SNX25: variants seen among roughly 807,000 people sequenced by gnomAD.
The protein encoded by SNX25 is sorting nexin-25.
SNX25 carries 62 observed loss-of-function variants against 113.7 expected under a neutral mutation model. The observed-to-expected ratio is 0.55, with a 90% CI of 0.44 to 0.67. SNX25 has a LOEUF of 0.67. Among genes scored for constraint, SNX25 ranks in the 30% least tolerant of loss-of-function variants. SNX25 has a pLI of 0.00. For missense variants in SNX25, 1,014 were observed against 1,161.0 expected (o/e 0.87, Z 1.84); for synonymous variants, 421 against 436.2 (o/e 0.97, Z 0.43).
upstream of SNX25, among the ~76,000 whole-genome samples, chr4:185,206,524 T>C (rs1234056111): frequency 6.6e-6 from 1 of 151,864 alleles, no homozygotes; most frequent in Non-Finnish European, 1.5e-5. Context: ...CCAGGCATGC[T>C]GATGCATGCC....
downstream of SNX25, chr4:185,366,825 T>C (rs2095389538): frequency 6.2e-6 from 1 of 161,210 alleles, no homozygotes. Flanking sequence ...AGTTTGTTTC[T>C]ACTTCTGAAC....
At chr4:185,257,695 T>C (rs144361471) in intron 2 of SNX25, among the ~76,000 whole-genome samples, 114 of 152,308 alleles carry the variant, frequency 7.5e-4, no homozygotes, top group African/African-American at 2.6e-3. Flanking sequence ...GGTATCTTTT[T>C]ACTTTTTTAA....
chr4:185,377,799 T>C, the SNX25 span: 2 of 292,490 alleles, frequency 6.8e-6, no homozygotes, highest in Middle Eastern at 1.0e-3. Flanking sequence ...CCTGGCATTG[T>C]TCTCTTTAAC....
chr4:185,352,847 T>C (rs1388647994), intron 14 of SNX25, among the ~76,000 whole-genome samples: 1 of 152,206 alleles, frequency 6.6e-6, no homozygotes, highest in East Asian at 1.9e-4. Flanking sequence ...CAGCACCTAA[T>C]GTTTGCAGCT....
chr4:185,240,648 G>C (rs979658534), intron 1 of SNX25, among the ~76,000 whole-genome samples: 5 of 150,286 alleles, frequency 3.3e-5, no homozygotes, highest in Non-Finnish European at 7.4e-5. Context: ...CTGGGCGGGG[G>C]GCTAACCCCC....
chr4:185,371,884 AG>A (rs2126789582), downstream of SNX25, among the ~76,000 whole-genome samples: 4 of 151,990 alleles, frequency 2.6e-5, no homozygotes, highest in South Asian at 8.3e-4. Flanking sequence ...GGGCTCGGAG[AG>A]GGGGGAGACC....
chr4:185,348,587 G>A (rs985651962), intron 13 of SNX25, among the ~76,000 whole-genome samples: 4 of 151,992 alleles, frequency 2.6e-5, no homozygotes, highest in African/African-American at 9.7e-5. Flanking sequence ...AGTAGAGACG[G>A]GGTTTCATCA....
chr4:185,236,785 T>A (rs1019171012), intron 1 of SNX25, among the ~76,000 whole-genome samples: 8 of 151,518 alleles, frequency 5.3e-5, no homozygotes, highest in Non-Finnish European at 1.2e-4. Flanking sequence ...TGTGTGTTAA[T>A]TAATGCTCAT....
chr4:185,244,880 CAGTA>C (rs1299269325), intron 1 of SNX25, among the ~76,000 whole-genome samples: 1 of 152,002 alleles, frequency 6.6e-6, no homozygotes, highest in Non-Finnish European at 1.5e-5. Context: ...TTTTTAATAA[CAGTA>C]AGCACGAACA....
At chr4:185,295,451 CTTTT>C (rs11342153) in intron 6 of SNX25, among the ~76,000 whole-genome samples, 6 of 137,616 alleles carry the variant, frequency 4.4e-5, no homozygotes, top group Admixed American at 7.3e-5. Context: ...TCTGGTGAGT[CTTTT>C]TTTTTTTTTT....
At chr4:185,351,880 G>C (rs2095316661) in intron 14 of SNX25, among the ~76,000 whole-genome samples, 1 of 151,506 alleles carries the variant, frequency 6.6e-6, no homozygotes, top group Non-Finnish European at 1.5e-5. Context: ...CCCAGGTCGG[G>C]GGAGGCCAAG....
intron 5 of SNX25, among the ~76,000 whole-genome samples, chr4:185,271,529 G>T (rs1748934765): frequency 6.6e-6 from 1 of 152,224 alleles, no homozygotes; most frequent in Non-Finnish European, 1.5e-5. Context: ...AATTACAGGT[G>T]TGAGCCACCG....
rs149327701 is a variant in SNX25, at chr4:185,322,410, C to T, written c.1477-1118C>T. On this transcript the variant is annotated intron_variant, in intron 8 of 18. Coordinates refer to ENST00000652585, the MANE Select transcript of SNX25 (RefSeq NM_001378034.2). The stretch of plus-strand genomic sequence containing the variant: ...TCACGCCACTACACTCCAGCCTGGG[C>T]GACAGCAAGATTTGGTCTTGGGGAA... Among the ~76,000 whole-genome samples the T allele has an allele frequency of 5.9e-3, 900 of 152,034 alleles. 12 individuals carry two copies. The highest frequency in any genetic ancestry group is 0.019 in the African/African-American group (805 of 41,452).
At chr4:185,348,599 G>T (rs1480920519) in intron 13 of SNX25, among the ~76,000 whole-genome samples, 1 of 152,066 alleles carries the variant, frequency 6.6e-6, no homozygotes, top group African/African-American at 2.4e-5. Flanking sequence ...GTTTCATCAT[G>T]TTGGACAGGC....
At chr4:185,251,341 T>C (rs968686670) in intron 2 of SNX25, among the ~76,000 whole-genome samples, 1 of 152,118 alleles carries the variant, frequency 6.6e-6, no homozygotes, top group African/African-American at 2.4e-5. Flanking sequence ...GCAACCAATC[T>C]CTAGAACTGT....
At chr4:185,362,198 T>C in intron 17 of SNX25, 93 bp downstream of exon 17, 1 of 1,429,914 alleles carries the variant, frequency 7.0e-7, no homozygotes, top group Non-Finnish European at 9.2e-7. Flanking sequence ...GCAGGAAACA[T>C]TCTTTACAAT....
intron 1 of SNX25, among the ~76,000 whole-genome samples, chr4:185,217,774 G>T (rs370253189): frequency 6.6e-6 from 1 of 152,172 alleles, no homozygotes; most frequent in Non-Finnish European, 1.5e-5. Context: ...AAAAGGTGAC[G>T]CAGCAAGTTT....
chr4:185,253,406 C>T (rs930002253), intron 2 of SNX25, among the ~76,000 whole-genome samples: 5 of 151,750 alleles, frequency 3.3e-5, no homozygotes, highest in African/African-American at 4.8e-5. Flanking sequence ...AATTAAATAC[C>T]GTTACCCTCA....
At chr4:185,248,938 C>T (rs1745242219) in intron 2 of SNX25, among the ~76,000 whole-genome samples, 1 of 152,192 alleles carries the variant, frequency 6.6e-6, no homozygotes, top group South Asian at 2.1e-4. Flanking sequence ...TGGCCTCTTT[C>T]ACTCAGCATA....
Sources: gnomAD v4.1 joint callset for allele counts (sites outside exome capture counted in the v4.1 genomes callset) on GRCh38, gnomAD v4.1.1 for gene constraint, MANE v1.5 for transcripts, NCBI Gene and HGNC (gene_info 2026-07-23, HGNC 2026-07-21) for gene names.